HIGD1C: variants seen among roughly 807,000 people sequenced by gnomAD.
HIGD1C encodes HIG1 domain family member 1C.
A neutral mutation model predicts 13.1 loss-of-function variants in HIGD1C; 11 were observed. That is an observed-to-expected ratio of 0.84 (90% CI 0.53 to 1.39). The LOEUF (loss-of-function observed/expected upper bound fraction) is 1.39, where lower values mean the gene tolerates loss of function less well. Among genes scored for constraint, HIGD1C ranks in the 40% most tolerant of loss-of-function variants. The probability of loss-of-function intolerance (pLI) is 0.00; values close to 1 mark genes in which losing one functional copy is unlikely to be tolerated. For synonymous variants in HIGD1C, 36 were observed against 37.7 expected (o/e 0.95, Z 0.17); for missense variants, 110 against 112.0 (o/e 0.98, Z 0.08).
the HIGD1C span, among the ~76,000 whole-genome samples, chr12:50,933,097 T>C: frequency 2.0e-5 from 3 of 152,220 alleles, no homozygotes; most frequent in African/African-American, 4.8e-5. Context: ...AATATTATTG[T>C]CACTTTTCAG....
intron 2 of HIGD1C, among the ~76,000 whole-genome samples, chr12:50,962,574 G>A (rs949156919): frequency 5.3e-5 from 8 of 151,602 alleles, no homozygotes; most frequent in Non-Finnish European, 8.8e-5. Context: ...GCATGCGCCT[G>A]TAGTCACAGC....
At chr12:50,968,787 C>A (rs1939646454) in intron 2 of HIGD1C, among the ~76,000 whole-genome samples, 1 of 151,890 alleles carries the variant, frequency 6.6e-6, no homozygotes, top group African/African-American at 2.4e-5. Context: ...AGTGATCCAC[C>A]CGCCTTGGCC....
the HIGD1C span, among the ~76,000 whole-genome samples, chr12:50,942,489 C>T: frequency 6.6e-6 from 1 of 152,168 alleles, no homozygotes; most frequent in Non-Finnish European, 1.5e-5. Flanking sequence ...GCTACCAGAA[C>T]CTAAATAAAA....
At chr12:50,939,829 G>T in the HIGD1C span, 3 of 151,868 alleles carry the variant, frequency 2.0e-5, no homozygotes, top group Non-Finnish European at 2.9e-5. Context: ...TTAAGCATTT[G>T]TAAGAGGAAC....
intron 1 of HIGD1C, 103 bp downstream of exon 3, chr12:50,954,195 A>G: frequency 4.3e-6 from 3 of 696,292 alleles, no homozygotes; most frequent in Non-Finnish European, 2.5e-6. Flanking sequence ...GAATTTTTTC[A>G]GATAATTGAA....
chr12:50,947,692 T>C, the HIGD1C span, among the ~76,000 whole-genome samples: 10 of 152,082 alleles, frequency 6.6e-5, no homozygotes, highest in African/African-American at 2.2e-4. Flanking sequence ...TTTCTGGGAG[T>C]GGTGAAGAGG....
intron 2 of HIGD1C, among the ~76,000 whole-genome samples, chr12:50,963,369 C>CAAAAAAAAAAAAAA (rs35764288): frequency 2.1e-3 from 151 of 72,232 alleles, no homozygotes; most frequent in Non-Finnish European, 2.8e-3. Context: ...GACTCCATCT[C>CAAAAAAAAAAAAAA]AAAAAAAAAA....
chr12:50,957,430 C>A (rs1939140588), intron 1 of HIGD1C, among the ~76,000 whole-genome samples: 2 of 151,682 alleles, frequency 1.3e-5, no homozygotes. Context: ...AACTCCTGAC[C>A]TCAAGTGATC....
chr12:50,954,325 TA>T, intron 1 of HIGD1C: 1 of 414,722 alleles, frequency 2.4e-6, no homozygotes, highest in South Asian at 5.1e-5. Flanking sequence ...TCCATTTCAT[TA>T]GAAGTCTACC....
At chr12:50,971,138 C>T (rs567112423), downstream of HIGD1C, among the ~76,000 whole-genome samples, 3 of 152,148 alleles carry the variant, frequency 2.0e-5, no homozygotes, top group Non-Finnish European at 4.4e-5. Flanking sequence ...CATTGGCTTC[C>T]CAAAGTGCTG....
chr12:50,949,088 C>T (rs1938847286), upstream of HIGD1C: 1 of 151,512 alleles, frequency 6.6e-6, no homozygotes, highest in African/African-American at 2.4e-5. Flanking sequence ...AGCTATAAAA[C>T]AGAATGAAGA....
At chr12:50,971,704 AAT>A (rs563220823), downstream of HIGD1C, among the ~76,000 whole-genome samples, 166 of 152,344 alleles carry the variant, frequency 1.1e-3, no homozygotes, top group South Asian at 5.8e-3. Flanking sequence ...GAGAGAAAAA[AAT>A]AGTCACTGAA....
downstream of HIGD1C, among the ~76,000 whole-genome samples, chr12:50,972,075 C>T (rs1351478082): frequency 6.6e-6 from 1 of 152,182 alleles, no homozygotes; most frequent in Non-Finnish European, 1.5e-5. Flanking sequence ...AATATTCCAG[C>T]AGCTGGATCT....
At chr12:50,937,370 C>T in the HIGD1C span, among the ~76,000 whole-genome samples, 3 of 152,142 alleles carry the variant, frequency 2.0e-5, no homozygotes, top group African/African-American at 7.2e-5. Flanking sequence ...GGCATCTGGA[C>T]GAGGGGAATG....
intron 2 of HIGD1C, among the ~76,000 whole-genome samples, chr12:50,968,772 C>G (rs1939645726): frequency 1.3e-5 from 2 of 151,630 alleles, no homozygotes; most frequent in Admixed American, 1.3e-4. Context: ...AAACTCCTGA[C>G]CTCAAGTGAT....
intron 2 of HIGD1C, among the ~76,000 whole-genome samples, chr12:50,963,369 C>CAAAAAAAAAAAAAAA (rs35764288): frequency 8.0e-4 from 58 of 72,288 alleles, no homozygotes; most frequent in Non-Finnish European, 1.2e-3. Flanking sequence ...GACTCCATCT[C>CAAAAAAAAAAAAAAA]AAAAAAAAAA....
At chr12:50,961,695 A>G (rs185796673) in intron 2 of HIGD1C, among the ~76,000 whole-genome samples, 2 of 152,356 alleles carry the variant, frequency 1.3e-5, no homozygotes. Flanking sequence ...AGTTCTAACA[A>G]GAAGTCCATT....
At chr12:50,934,608 G>T in the HIGD1C span, among the ~76,000 whole-genome samples, 2 of 152,212 alleles carry the variant, frequency 1.3e-5, no homozygotes, top group African/African-American at 4.8e-5. Flanking sequence ...GGTGCCCAGC[G>T]AATGTAATCT....
At chr12:50,945,998 T>C in the HIGD1C span, among the ~76,000 whole-genome samples, 1 of 152,146 alleles carries the variant, frequency 6.6e-6, no homozygotes, top group African/African-American at 2.4e-5. Context: ...CCCTATTTAA[T>C]AAATGGTGCT....
Sources: allele counts gnomAD v4.1 joint callset (sites outside exome capture counted in the v4.1 genomes callset), GRCh38; gene constraint gnomAD v4.1.1; transcripts MANE v1.5; gene names NCBI Gene and HGNC (gene_info 2026-07-23, HGNC 2026-07-21).